The following CFAP210 variants were observed in gnomAD, a reference collection of about 807,000 sequenced individuals.
CFAP210 encodes the protein cilia and flagella associated protein 210, also known as cilia- and flagella- associated protein 210.
At chr2:169,664,778 A>G in the CFAP210 span, among the ~76,000 whole-genome samples, 3 of 152,306 alleles carry the variant, frequency 2.0e-5, no homozygotes, top group African/African-American at 7.2e-5. Context: ...TCAGAGTTGA[A>G]TATGTCAACG....
At chr2:169,653,020 AAAAAAAAAAATATATATATATATATAT>A in the CFAP210 span, among the ~76,000 whole-genome samples, 1 of 63,380 alleles carries the variant, frequency 1.6e-5, no homozygotes, top group African/African-American at 6.4e-5. Context: ...AAAAAAAAAA[AAAAAAAAAAATATATATATATATATAT>A]ATATATATAT....
the CFAP210 span, among the ~76,000 whole-genome samples, chr2:169,685,257 T>A: frequency 6.6e-6 from 1 of 152,370 alleles, no homozygotes; most frequent in African/African-American, 2.4e-5. Context: ...TTTCTCCACA[T>A]CCTTCCCAAC....
the CFAP210 span, chr2:169,645,823 G>C: frequency 6.5e-7 from 1 of 1,532,008 alleles, no homozygotes; most frequent in Non-Finnish European, 8.9e-7. Flanking sequence ...TCTTCTCAAT[G>C]TTAAAAATAA....
At chr2:169,663,522 C>G in the CFAP210 span, among the ~76,000 whole-genome samples, 666 of 152,122 alleles carry the variant, frequency 4.4e-3, 12 homozygotes, top group African/African-American at 0.015. Flanking sequence ...CATATGCACC[C>G]AATCGAGAAA....
At chr2:169,660,848 C>G in the CFAP210 span, 1 of 279,116 alleles carries the variant, frequency 3.6e-6, no homozygotes, top group Non-Finnish European at 7.0e-6. Context: ...AGAGATCTGC[C>G]TGCCTTAGCC....
chr2:169,658,155 A>C, the CFAP210 span: 2 of 152,222 alleles, frequency 1.3e-5, no homozygotes, highest in Admixed American at 1.3e-4. Flanking sequence ...CACACATCAC[A>C]GTTTTTAATG....
the CFAP210 span, among the ~76,000 whole-genome samples, chr2:169,689,247 C>G: frequency 6.6e-6 from 1 of 152,208 alleles, no homozygotes; most frequent in African/African-American, 2.4e-5. Context: ...CACATCCAAA[C>G]TATATCAAGA....
At chr2:169,650,451 C>A in the CFAP210 span, 107 of 1,605,226 alleles carry the variant, frequency 6.7e-5, no homozygotes, top group Non-Finnish European at 6.7e-5. Context: ...ATCATATCTT[C>A]ATTGTCAAGT....
chr2:169,688,329 CA>C, the CFAP210 span, among the ~76,000 whole-genome samples: 1 of 152,242 alleles, frequency 6.6e-6, no homozygotes, highest in East Asian at 1.9e-4. Flanking sequence ...AGTCAGGCTA[CA>C]AATTTTCTGA....
At chr2:169,660,011 T>C in the CFAP210 span, among the ~76,000 whole-genome samples, 1 of 152,272 alleles carries the variant, frequency 6.6e-6, no homozygotes, top group African/African-American at 2.4e-5. Context: ...ATTTTTCATC[T>C]CTGAGTTTTT....
chr2:169,663,559 C>G, the CFAP210 span, among the ~76,000 whole-genome samples: 1 of 152,008 alleles, frequency 6.6e-6, no homozygotes. Context: ...TCCCCTCACT[C>G]AGGTTCAGGG....
At chr2:169,653,986 A>G in the CFAP210 span, 1 of 1,316,686 alleles carries the variant, frequency 7.6e-7, no homozygotes, top group South Asian at 1.7e-5. Flanking sequence ...ATAAAATAAG[A>G]TCTCTGTTCC....
At chr2:169,670,267 G>A in the CFAP210 span, among the ~76,000 whole-genome samples, 2 of 151,926 alleles carry the variant, frequency 1.3e-5, no homozygotes, top group Admixed American at 1.3e-4. Flanking sequence ...CTCTATTTTG[G>A]GATTTTGGTG....
At chr2:169,646,078 A>G in the CFAP210 span, 2,405 of 1,613,910 alleles carry the variant, frequency 1.5e-3, 49 homozygotes, top group African/African-American at 0.029. Flanking sequence ...CCTCTCTGGC[A>G]TAGTCCTGAA....
At chr2:169,683,938 T>A in the CFAP210 span, among the ~76,000 whole-genome samples, 1 of 152,216 alleles carries the variant, frequency 6.6e-6, no homozygotes, top group African/African-American at 2.4e-5. Context: ...TGGGGCAAGT[T>A]CCCCATATCT....
chr2:169,686,819 CATCTTAACA>C, the CFAP210 span, among the ~76,000 whole-genome samples: 3 of 152,098 alleles, frequency 2.0e-5, no homozygotes, highest in Non-Finnish European at 4.4e-5. Context: ...ATATTCAAAC[CATCTTAACA>C]ATACTAAATC....
the CFAP210 span, among the ~76,000 whole-genome samples, chr2:169,650,819 C>T: frequency 1.3e-5 from 2 of 149,024 alleles, no homozygotes; most frequent in African/African-American, 2.5e-5. Flanking sequence ...ATATTTTAGG[C>T]CAGGTGTGGT....
chr2:169,662,657 C>A, the CFAP210 span, among the ~76,000 whole-genome samples: 1 of 152,182 alleles, frequency 6.6e-6, no homozygotes, highest in Non-Finnish European at 1.5e-5. Context: ...AAATTTATTT[C>A]ATTACTCACC....
At chr2:169,671,885 T>A in the CFAP210 span, among the ~76,000 whole-genome samples, 2 of 152,220 alleles carry the variant, frequency 1.3e-5, no homozygotes, top group African/African-American at 4.8e-5. Context: ...TGAAGGAATA[T>A]CCTAATGAAT....
Sources: allele counts gnomAD v4.1 joint callset (sites outside exome capture counted in the v4.1 genomes callset), GRCh38; gene constraint gnomAD v4.1.1; transcripts MANE v1.5; gene names NCBI Gene and HGNC (gene_info 2026-07-23, HGNC 2026-07-21).